The following PALB2 variants were observed in gnomAD, a reference collection of about 807,000 sequenced individuals.
PALB2 encodes partner and localizer of BRCA2, also known as mutant partner and localizer of BRCA2.
A neutral mutation model predicts 107.4 loss-of-function variants in PALB2; 82 were observed. The ratio of observed to expected loss-of-function variants is 0.76; its 90% confidence interval spans 0.64 to 0.92. The LOEUF (loss-of-function observed/expected upper bound fraction) is 0.92. Ranked by LOEUF, PALB2 falls within the 40% of genes least tolerant of loss-of-function variation. PALB2 has a pLI of 0.00. For synonymous variants in PALB2, 489 were observed against 496.8 expected (o/e 0.98, Z 0.21); for missense variants, 1,374 against 1,379.9 (o/e 1.00, Z 0.07).
intron 4 of PALB2, among the ~76,000 whole-genome samples, chr16:23,633,371 T>C (rs115427744): frequency 6.6e-6 from 1 of 152,194 alleles, no homozygotes; most frequent in Non-Finnish European, 1.5e-5. Flanking sequence ...CAGTTACAAG[T>C]TGACTGGCTG....
At chr16:23,639,338 G>A (rs777758838) in intron 1 of PALB2, among the ~76,000 whole-genome samples, 6 of 151,922 alleles carry the variant, frequency 3.9e-5, no homozygotes, top group South Asian at 2.1e-4. Flanking sequence ...TTCGAGACCC[G>A]CCTGGCCAAC....
At position 23,629,221 on chromosome 16, in the gene PALB2, A is replaced by G. The variant is rs786201642; in HGVS notation, c.2569T>C (p.Leu857=). The G allele has an allele frequency of 6.2e-7, 1 of 1,613,316 alleles. No individual in the cohort carries two copies. The highest frequency in any genetic ancestry group is 8.5e-7 in the Non-Finnish European group (1 of 1,179,694). The change falls in exon 6 of 13, where the codon TTG becomes CTG. Residue 857 remains leucine (L), a synonymous_variant. Transcript: ENST00000261584. The part of the protein sequence containing the change: ...SDSINPGNLQ[L]VSELKNPSGS... ...CTTCTGACCTTTAACTCTGAAACCA[A>G]TTGTAGGTTGCCTGGGTTTATGCTA...
At position 23,622,981 on chromosome 16, in the gene PALB2, G is replaced by A. The variant is rs1567213581; in HGVS notation, c.2984C>T (p.Ala995Val). 1 of 1,614,078 alleles carries A rather than the reference G, an allele frequency of 6.2e-7. No homozygotes were observed. The highest frequency in any genetic ancestry group is 8.5e-7 in the Non-Finnish European group (1 of 1,180,020). Reference sequence around the variant, plus strand: ...ATGCTTTTCTTACCCTCCATCTTCTGCAAACGTCATGACTTCTACTTGTTG... The same window carrying A: ...ATGCTTTTCTTACCCTCCATCTTCTACAAACGTCATGACTTCTACTTGTTG... ...SDQQVEVMTFAEDGGGKENQF... is the reference protein window; with the variant it reads ...SDQQVEVMTFVEDGGGKENQF... The change falls in exon 9 of 13, where the codon GCA becomes GTA. Residue 995 changes from alanine (A) to valine (V), a missense_variant. Physicochemically the swap from Ala to Val is moderately conservative, Grantham distance 64. Transcript: ENST00000261584.
intron 10 of PALB2, among the ~76,000 whole-genome samples, chr16:23,614,952 T>C (rs1376342103): frequency 7.2e-6 from 1 of 138,664 alleles, no homozygotes; most frequent in Non-Finnish European, 1.6e-5. Flanking sequence ...GCCTGGCCTT[T>C]TTTTTTTTTT....
chr16:23,620,572 A>AT (rs1451316264), intron 10 of PALB2, among the ~76,000 whole-genome samples: 1 of 151,974 alleles, frequency 6.6e-6, no homozygotes, highest in African/African-American at 2.4e-5. Context: ...TGTTTTTTGT[A>AT]TTTTTTCCAG....
Position 23,603,207 on chromosome 16 carries a change from C to T in PALB2, c.*252G>A, listed in dbSNP as rs571769655. ...TTATTGCCATTTGAAGCTTTATGTA[C>T]ACCTTTAAAAGCACATGTACAAATG... On this transcript the variant is annotated 3_prime_UTR_variant, in exon 13 of 13. Transcript: ENST00000261584. 4.1e-5 allele frequency: 18 copies of T among 441,172 alleles called. No individual in the cohort carries two copies. The highest frequency in any genetic ancestry group is 6.6e-5 in the Non-Finnish European group (16 of 243,114). 27.3% of individuals were successfully genotyped at this position (441,172 alleles called of 1,614,324 possible). A position where few individuals can be genotyped will look rare whatever the true frequency, so the allele number is the denominator to read the frequency against.
chr16:23,607,839 T>TA (rs1237813759), intron 12 of PALB2, 25 bp downstream of exon 12: 2 of 1,613,100 alleles, frequency 1.2e-6, no homozygotes, highest in African/African-American at 2.7e-5. Context: ...GTCCCACCCA[T>TA]AGAGTAGCAG....
At chr16:23,619,711 A>C (rs1374956050) in intron 10 of PALB2, among the ~76,000 whole-genome samples, 2 of 152,174 alleles carry the variant, frequency 1.3e-5, no homozygotes, top group African/African-American at 4.8e-5. Context: ...TTTAACATTT[A>C]CTGAATACCT....
rs138514571 is a variant in PALB2 at position 23,629,901 on chromosome 16, A to G, written c.2253T>C (p.Ala751=). Residue 751 remains alanine (A), a synonymous_variant, in exon 5 of 13, where the codon GCT becomes GCC. Transcript: ENST00000261584. ...GSYEKASTEV[A]GRTCCTPQLA... ...GTTGGGGTGTGCAGCAAGTTCGTCC[A>G]GCAACTTCTGTAGATGCTTTTTCAT... is the stretch of plus-strand genomic sequence containing the variant. The G allele has an allele frequency of 5.0e-6, 8 of 1,614,088 alleles. No homozygotes were observed. The African/African-American group carries it at 9.3e-5, about 19-fold the overall frequency.
chr16:23,628,946 TTTAGACATG>T (rs1966852783), intron 6 of PALB2, among the ~76,000 whole-genome samples: 1 of 152,158 alleles, frequency 6.6e-6, no homozygotes, highest in Non-Finnish European at 1.5e-5. Context: ...CTAACTTAGA[TTTAGACATG>T]AAGTTCAGTT....
intron 4 of PALB2, among the ~76,000 whole-genome samples, chr16:23,631,106 ATAC>A (rs1966872311): frequency 7.0e-6 from 1 of 143,870 alleles, no homozygotes. Context: ...TCTACTAAAA[ATAC>A]AAAAAAAAAA....
intron 10 of PALB2, among the ~76,000 whole-genome samples, chr16:23,614,893 G>A (rs1371921525): frequency 1.3e-5 from 2 of 149,742 alleles, no homozygotes; most frequent in African/African-American, 2.5e-5. Flanking sequence ...CTCGTGATCC[G>A]CCCGCCTCGG....
At chr16:23,623,174 C>A in intron 8 of PALB2, 44 bp from the exon 9 acceptor site, 1 of 1,475,418 alleles carries the variant, frequency 6.8e-7, no homozygotes, top group South Asian at 1.1e-5. Flanking sequence ...GAGGAGTAAC[C>A]TTTTAATATT....
rs370404126 is a variant in PALB2, at chr16:23,636,193, A to G, written c.353T>C (p.Ile118Thr). Residue 118 changes from isoleucine to threonine, a missense_variant, in exon 4 of 13, where the codon ATA becomes ACA. Physicochemically the swap from Ile to Thr is moderately conservative, Grantham distance 89. Transcript: ENST00000261584. ...TTCTTGGGTGTCATCTGTTCTTTGT[A>G]TAGGTAATCCTCCTGGGCCATCTCC... is the stretch of plus-strand genomic sequence containing the variant. Reference protein sequence around the residue: ...NPGDGPGGLPIQRTDDTQEHF... With the variant: ...NPGDGPGGLPTQRTDDTQEHF... 28 of 1,613,128 alleles carry G rather than the reference A, an allele frequency of 1.7e-5. No homozygotes were observed. The highest frequency in any genetic ancestry group is 2.4e-5 in the Non-Finnish European group (28 of 1,179,892).
At chr16:23,607,148 A>T (rs189746473) in intron 12 of PALB2, among the ~76,000 whole-genome samples, 10 of 152,302 alleles carry the variant, frequency 6.6e-5, no homozygotes, top group Middle Eastern at 3.4e-3. Context: ...TGCCTGCATG[A>T]TAGAGGCTCA....
rs1312378621 is a variant in PALB2 at position 23,635,435 on chromosome 16, C to T, written c.1111G>A (p.Glu371Lys). 2.5e-6 allele frequency: 4 copies of T among 1,613,990 alleles called. No homozygotes were observed. The highest frequency in any genetic ancestry group is 2.5e-6 in the Non-Finnish European group (3 of 1,179,928). ...TTAGGTTGACTTAGAATCTCACTTTCCTGAAGATTTTCATTCCTGCCATCA... is the reference window on the plus strand; with the variant it reads ...TTAGGTTGACTTAGAATCTCACTTTTCTGAAGATTTTCATTCCTGCCATCA... Reference protein sequence around the residue: ...TLDGRNENLQESEILSQPKSL... With the variant: ...TLDGRNENLQKSEILSQPKSL... Residue 371 changes from glutamate to lysine, a missense_variant, in exon 4 of 13, where the codon GAA becomes AAA. Glu to Lys is a moderately conservative substitution (Grantham distance 56). Transcript: ENST00000261584.
intron 10 of PALB2, 114 bp downstream of exon 10, chr16:23,621,248 C>T: frequency 1.3e-6 from 1 of 792,578 alleles, no homozygotes. Context: ...AACACAAAAC[C>T]ACAATCATGT....
chr16:23,621,578 A>G (rs1034759563), intron 9 of PALB2, 100 bp from the exon 10 acceptor site: 10 of 741,250 alleles, frequency 1.3e-5, no homozygotes, highest in South Asian at 3.0e-5. Context: ...AACTAACCTA[A>G]TATCAGGAAA....
rs747646354 is a variant in PALB2 at position 23,630,484 on chromosome 16, T to C, written c.1685-15A>G. 1 of 1,582,068 alleles carries C rather than the reference T, an allele frequency of 6.3e-7. No homozygotes were observed. Among genetic ancestry groups the C allele is most frequent in the Non-Finnish European group, 8.6e-7 (1 of 1,156,400 alleles). ...ACTTTTCTTCCCTAAAGAAGAAAAATAAGTCACAAAATAGTAACAAAACCC... is the reference window on the plus strand; with the variant it reads ...ACTTTTCTTCCCTAAAGAAGAAAAACAAGTCACAAAATAGTAACAAAACCC... On this transcript the variant is annotated splice_polypyrimidine_tract_variant and intron_variant, in intron 4 of 12. Coordinates refer to ENST00000261584, the MANE Select transcript of PALB2 (RefSeq NM_024675.4).
Sources: gnomAD v4.1 joint callset for allele counts (sites outside exome capture counted in the v4.1 genomes callset) on GRCh38, gnomAD v4.1.1 for gene constraint, MANE v1.5 for transcripts, NCBI Gene and HGNC (gene_info 2026-07-23, HGNC 2026-07-21) for gene names.